The following CNTNAP1 variants were observed in gnomAD, a reference collection of about 807,000 sequenced individuals.
CNTNAP1 encodes the protein contactin associated protein 1, also known as contactin-associated protein 1.
CNTNAP1 carries 80 observed loss-of-function variants against 161.5 expected under a neutral mutation model. The observed-to-expected ratio is 0.50, with a 90% CI of 0.41 to 0.60. The LOEUF (loss-of-function observed/expected upper bound fraction) is 0.60, where lower values mean the gene tolerates loss of function less well. Ranked by LOEUF, CNTNAP1 falls within the 20% of genes least tolerant of loss-of-function variation. The pLI, the probability that CNTNAP1 is intolerant of heterozygous loss-of-function variation, is 0.00. For missense variants in CNTNAP1, 1,464 were observed against 1,854.8 expected, an observed-to-expected ratio of 0.79 and a Z score of 3.87; for synonymous variants, 695 against 733.1, an observed-to-expected ratio of 0.95 and a Z score of 0.84.
intron 10 of CNTNAP1, 53 bp from the exon 11 acceptor site, chr17:42,689,468 C>T (rs537119351): frequency 4.3e-6 from 6 of 1,406,682 alleles, no homozygotes; most frequent in Non-Finnish European, 6.0e-6. Context: ...GATCAGACCC[C>T]ACTCTCCAGC....
intron 8 of CNTNAP1, 69 bp from the exon 9 acceptor site, chr17:42,688,393 C>G: frequency 6.2e-7 from 1 of 1,603,902 alleles, no homozygotes; most frequent in Non-Finnish European, 8.5e-7. Context: ...TGCTGCTTCC[C>G]CACTCAGAAC....
chr17:42,688,895 T>C lies in CNTNAP1; in HGVS notation c.1476T>C (p.Ser492=), dbSNP rs536235969. 2.0e-5 allele frequency: 33 copies of C among 1,613,946 alleles called. No homozygotes were observed. The highest frequency in any genetic ancestry group is 3.3e-4 in the Middle Eastern group (2 of 6,044). The change falls in exon 10 of 24, where the codon AGT becomes AGC. Residue 492 remains serine (S), a synonymous_variant. Coordinates refer to ENST00000264638, the MANE Select transcript of CNTNAP1 (RefSeq NM_003632.3). The stretch of plus-strand genomic sequence containing the variant: ...CTCCAGGTTGTCCCAAGCCAGCCAG[T>C]CGATGGGACTGCCACTCCAACCAGA... ...YFFGGCPKPA[S]RWDCHSNQTA...
Position 42,685,335 on chromosome 17 carries a change from T to C in CNTNAP1, c.630T>C (p.Gly210=), listed in dbSNP as rs770121100. 1.1e-5 allele frequency: 17 copies of C among 1,611,538 alleles called. No homozygotes were observed. In the African/African-American group the frequency reaches 2.0e-4, roughly 19 times the overall value. Residue 210 remains glycine (G), a synonymous_variant, in exon 5 of 24, where the codon GGT becomes GGC. Transcript: ENST00000264638. The surrounding 1 kb of genome is among the most constrained non-coding windows in gnomAD (Gnocchi z 5.0). ...GCTTCAAGACCGAGGAGAAGGACGGTCTTCTGCTGCACGCCGAGGGCGCCC... is the reference window on the plus strand; with the variant it reads ...GCTTCAAGACCGAGGAGAAGGACGGCCTTCTGCTGCACGCCGAGGGCGCCC... ...AFSFKTEEKD[G]LLLHAEGAQG... is the part of the protein sequence containing the mutation.
At chr17:42,698,467 G>A in intron 23 of CNTNAP1, 151 bp from the exon 24 acceptor site, 1 of 628,500 alleles carries the variant, frequency 1.6e-6, no homozygotes, top group Non-Finnish European at 2.7e-6. Context: ...GTGTGTGTGT[G>A]TGTGTGTGTG....
chr17:42,689,751 G>GT (rs1252759083), intron 11 of CNTNAP1, 124 bp downstream of exon 11: 3 of 787,858 alleles, frequency 3.8e-6, no homozygotes, highest in Admixed American at 2.2e-5. Context: ...TTTGTTTTTG[G>GT]TTTTTTTGAG....
chr17:42,696,148 T>C lies in CNTNAP1; in HGVS notation c.3470T>C (p.Ile1157Thr). Residue 1157 changes from isoleucine to threonine, a missense_variant, in exon 20 of 24, where the codon ATC becomes ACC. Ile to Thr is a moderately conservative substitution (Grantham distance 89). Coordinates refer to ENST00000264638, the MANE Select transcript of CNTNAP1 (RefSeq NM_003632.3). ...ACCCGTGTTTACCGGAACCTCTTCA[T>C]CCAGGTATGCATAGAGGGAGGTGAG... ...NITRVYRNLF[I>T]QVDYFPLTEQ... 6.2e-7 allele frequency: 1 copy of C among 1,614,092 alleles called. No homozygotes were observed. Among genetic ancestry groups the C allele is most frequent in the Non-Finnish European group, 8.5e-7 (1 of 1,180,012 alleles).
rs757375034 is a variant in CNTNAP1 at position 42,691,976 on chromosome 17, C to A, written c.2515C>A (p.Arg839=). 6.2e-7 allele frequency: 1 copy of A among 1,613,938 alleles called. No individual in the cohort carries two copies. Among genetic ancestry groups the A allele is most frequent in the South Asian group, 1.1e-5 (1 of 91,070 alleles). ...PYCQWRRPYV[R]VELNTSRDVV... is the part of the protein sequence containing the mutation. ...CTGCCAGTGGCGCCGACCTTATGTG[C>A]GGGTGGAACTCAACAGTGAGCAGGC... The change falls in exon 16 of 24, where the codon CGG becomes AGG. Residue 839 remains arginine, a synonymous_variant. Transcript: ENST00000264638. The surrounding 1 kb of genome is among the most constrained non-coding windows in gnomAD (Gnocchi z 4.3).
At position 42,697,641 on chromosome 17, in the gene CNTNAP1, C is replaced by G. The variant is rs771175667; in HGVS notation, c.3656C>G (p.Ala1219Gly). The G allele has an allele frequency of 6.2e-7, 1 of 1,614,162 alleles. No individual in the cohort carries two copies. Among genetic ancestry groups the G allele is most frequent in the Non-Finnish European group, 8.5e-7 (1 of 1,180,022 alleles). The change falls in exon 22 of 24, where the codon GCT becomes GGT. Residue 1219 changes from alanine (A) to glycine (G), a missense_variant. Coordinates refer to ENST00000264638, the MANE Select transcript of CNTNAP1 (RefSeq NM_003632.3). ...CLSGVRFNNV[A>G]PLKTHFRTPR... ...TCTGGTGTTCGATTCAACAACGTGGCTCCCCTCAAGACCCACTTCCGAACC... is the reference window on the plus strand; with the variant it reads ...TCTGGTGTTCGATTCAACAACGTGGGTCCCCTCAAGACCCACTTCCGAACC...
chr17:42,682,885 G>A lies in CNTNAP1; in HGVS notation c.56G>A (p.Gly19Asp). ...ILLAAVSGAE[G>D]WGYYGCDEEL... ...CTCGCCGCGGTCTCAGGAGCCGAGG[G>A]CTGGGGCTACTGTGAGTGTTGGGCT... The change falls in exon 1 of 24, where the codon GGC (glycine) becomes GAC (aspartate). Residue 19 changes from glycine to aspartate, a missense_variant. Around this residue, in one of 3 missense-constraint regions of CNTNAP1, gnomAD observed 77 missense variants for 73.6 expected, o/e 1.05. Transcript: ENST00000264638. 6.2e-7 allele frequency: 1 copy of A among 1,601,328 alleles called. No homozygotes were observed. Among genetic ancestry groups the A allele is most frequent in the Non-Finnish European group, 8.5e-7 (1 of 1,174,932 alleles).
intron 1 of CNTNAP1, chr17:42,683,549 C>T: frequency 7.6e-7 from 1 of 1,314,430 alleles, no homozygotes; most frequent in South Asian, 1.9e-5. Context: ...AGTACTAAAC[C>T]AGGGCAGGTA....
intron 17 of CNTNAP1, 116 bp from the exon 18 acceptor site, chr17:42,693,181 G>A (rs1330510071): frequency 4.1e-5 from 50 of 1,223,258 alleles, no homozygotes; most frequent in Non-Finnish European, 5.1e-5. Flanking sequence ...GGATGGTCTC[G>A]ATCTCCTGAG....
At position 42,698,858 on chromosome 17, in the gene CNTNAP1, G is replaced by A. The variant is rs2053189441; in HGVS notation, c.4103G>A (p.Gly1368Asp). ...GCCCCAACTCCAGCCCCAGCCCCTG[G>A]CCCCCGGGATCAGAACCTACCCCAG... ...APAPTPAPAP[G>D]PRDQNLPQIL... Residue 1368 changes from glycine to aspartate, a missense_variant, in exon 24 of 24, where the codon GGC (glycine) becomes GAC (aspartate). Coordinates refer to ENST00000264638, the MANE Select transcript of CNTNAP1 (RefSeq NM_003632.3). The A allele has an allele frequency of 3.8e-6, 6 of 1,587,964 alleles. No homozygotes were observed. The highest frequency in any genetic ancestry group is 5.1e-6 in the Non-Finnish European group (6 of 1,173,106).
intron 2 of CNTNAP1, 56 bp from the exon 3 acceptor site, chr17:42,683,980 C>G: frequency 6.2e-7 from 1 of 1,612,962 alleles, no homozygotes. Flanking sequence ...GGGTGGGGGC[C>G]TCCGGAGGAC....
chr17:42,691,058 G>C lies in CNTNAP1; in HGVS notation c.2060-79G>C. On this transcript the variant is annotated intron_variant, in intron 13 of 23. Transcript: ENST00000264638. This position sits in a 1 kb window ranked among gnomAD's most constrained non-coding sequence, Gnocchi z 4.3. ...GGTTGGAAGATTCAAGGAGGGGTCT[G>C]AACTCGCTGGAAGGGCGAGAGGAGC... 1 of 1,595,866 alleles carries C rather than the reference G, an allele frequency of 6.3e-7. No homozygotes were observed. The highest frequency in any genetic ancestry group is 1.1e-5 in the South Asian group (1 of 87,828).
intron 8 of CNTNAP1, 120 bp downstream of exon 8, chr17:42,688,101 G>A: frequency 7.1e-7 from 1 of 1,402,036 alleles, no homozygotes; most frequent in Non-Finnish European, 9.5e-7. Context: ...AAGGGGGCAG[G>A]GCAGGAGGCC....
rs546838489 is a variant in CNTNAP1 at position 42,685,463 on chromosome 17, GCT to G, written c.715+49_715+50del. Reference sequence around the variant, plus strand: ...GTGCGATGCGGAGCCAACCCCTGAAGCTCTCTCACCGCCCTCCTCGTGGCACC... The same window carrying G: ...GTGCGATGCGGAGCCAACCCCTGAAGCTCTCACCGCCCTCCTCGTGGCACC... On this transcript the variant is annotated intron_variant, in intron 5 of 23. Transcript: ENST00000264638. The surrounding 1 kb of genome is among the most constrained non-coding windows in gnomAD (Gnocchi z 5.0). The G allele has an allele frequency of 4.2e-5, 65 of 1,559,528 alleles. No individual in the cohort carries two copies. The African/African-American group carries it at 4.7e-4, about 11-fold the overall frequency.
chr17:42,685,502 T>C lies in CNTNAP1; in HGVS notation c.715+82T>C, dbSNP rs1224980074. ...CTCCTCGTGGCACCTCCTCCGCGCATCCGCGCTCAGCCTGGTCTTCCACTT... is the reference window on the plus strand; with the variant it reads ...CTCCTCGTGGCACCTCCTCCGCGCACCCGCGCTCAGCCTGGTCTTCCACTT... On this transcript the variant is annotated intron_variant, in intron 5 of 23. Transcript: ENST00000264638. This position sits in a 1 kb window ranked among gnomAD's most constrained non-coding sequence, Gnocchi z 5.0. 1.1e-5 allele frequency: 15 copies of C among 1,334,726 alleles called. No homozygotes were observed. Among genetic ancestry groups the C allele is most frequent in the Non-Finnish European group, 1.5e-5 (15 of 971,726 alleles). The allele number at this position is 1,334,726 out of a possible 1,614,324, so 82.7% of individuals were successfully genotyped here. A position where few individuals can be genotyped will look rare whatever the true frequency, so the allele number is the denominator to read the frequency against.
intron 1 of CNTNAP1, 47 bp from the exon 2 acceptor site, chr17:42,683,774 G>A: frequency 6.3e-7 from 1 of 1,588,064 alleles, no homozygotes; most frequent in Non-Finnish European, 8.5e-7. Context: ...CTTTGGAAGG[G>A]TCTGGGAGGG....
At position 42,695,694 on chromosome 17, in the gene CNTNAP1, G is replaced by A. The variant is rs760564070; in HGVS notation, c.3166G>A (p.Gly1056Arg). ...PGYVPGYHGP[G>R]YRLPDYPRPG... is the part of the protein sequence containing the mutation. ...CTATGTGCCTGGCTACCATGGCCCCGGGTACCGCCTGCCCGACTACCCCCG... is the reference window on the plus strand; with the variant it reads ...CTATGTGCCTGGCTACCATGGCCCCAGGTACCGCCTGCCCGACTACCCCCG... The change falls in exon 19 of 24, where the codon GGG becomes AGG. Residue 1056 changes from glycine (G) to arginine (R), a missense_variant. Physicochemically the swap from Gly to Arg is moderately radical, Grantham distance 125. Around this residue, in one of 3 missense-constraint regions of CNTNAP1, gnomAD observed 1,383 missense variants for 1,765.0 expected, o/e 0.78. Transcript: ENST00000264638. The A allele has an allele frequency of 3.0e-5, 49 of 1,614,138 alleles. No homozygotes were observed. Among genetic ancestry groups the A allele is most frequent in the East Asian group, 1.8e-4 (8 of 44,892 alleles).
Sources: gnomAD v4.1 joint callset for allele counts on GRCh38, gnomAD v4.1.1 for gene constraint, gnomAD v4.1.1 regional missense constraint, Gnocchi (gnomAD v3.1) non-coding constraint, MANE v1.5 for transcripts, NCBI Gene and HGNC (gene_info 2026-07-23, HGNC 2026-07-21) for gene names.